Variants in CTNND2 observed in about 807,000 individuals in gnomAD.
CTNND2 encodes the protein catenin delta 2.
Under a neutral mutation model 144.4 loss-of-function variants are expected in CTNND2, and 22 were observed. That is an observed-to-expected ratio of 0.15 (90% confidence interval 0.11 to 0.22). The LOEUF (loss-of-function observed/expected upper bound fraction) is 0.22. CTNND2 is among the 10% of genes least tolerant of loss of function. The pLI, the probability that CTNND2 is intolerant of heterozygous loss-of-function variation, is 1.00. For synonymous variants in CTNND2, 751 were observed against 695.6 expected, an observed-to-expected ratio of 1.08 and a Z score of -1.25; for missense variants, 1,353 against 1,618.8, an observed-to-expected ratio of 0.84 and a Z score of 2.82.
At chr5:11,129,959 G>A (rs1481399573) in intron 12 of CTNND2, among the ~76,000 whole-genome samples, 1 of 152,144 alleles carries the variant, frequency 6.6e-6, no homozygotes, top group Non-Finnish European at 1.5e-5. Context: ...CTCTCCATAT[G>A]TGTTTTGAAA....
chr5:11,715,577 C>T (rs1351608613), intron 2 of CTNND2, among the ~76,000 whole-genome samples: 1 of 152,164 alleles, frequency 6.6e-6, no homozygotes, highest in Non-Finnish European at 1.5e-5. Flanking sequence ...GTAGATTTAC[C>T]CTTCCTACTC....
At chr5:11,103,070 C>A (rs186848592) in intron 14 of CTNND2, among the ~76,000 whole-genome samples, 1 of 146,888 alleles carries the variant, frequency 6.8e-6, no homozygotes, top group African/African-American at 2.5e-5. Context: ...CAACCTCTGC[C>A]TCCTGGGTTG....
At chr5:11,037,624 C>T (rs1415611289) in intron 16 of CTNND2, among the ~76,000 whole-genome samples, 2 of 152,154 alleles carry the variant, frequency 1.3e-5, no homozygotes, top group African/African-American at 4.8e-5. Context: ...ATACAAATTT[C>T]GCTGTGATTA....
intron 16 of CTNND2, among the ~76,000 whole-genome samples, chr5:11,029,955 T>A (rs1423658790): frequency 4.6e-5 from 7 of 152,316 alleles, no homozygotes; most frequent in Middle Eastern, 3.4e-3. Context: ...CTAGTGGTAG[T>A]GAACTCTCTT....
rs1778987447 is a variant in CTNND2 at position 11,588,022 on chromosome 5, GAAAC to G, written c.175-22970_175-22967del. The stretch of plus-strand genomic sequence containing the variant: ...GAGTTATTTGAATAAAAGCAATCTT[GAAAC>G]ACTTGGTAAAGGTTTTCTATAATTA... On this transcript the variant is annotated intron_variant, in intron 2 of 21. Transcript: ENST00000304623. Among the ~76,000 whole-genome samples, 3 of 151,922 alleles carry G rather than the reference GAAAC, an allele frequency of 2.0e-5. No homozygotes were observed. The South Asian group carries it at 6.2e-4, about 31-fold the overall frequency.
intron 12 of CTNND2, 94 bp downstream of exon 12, chr5:11,159,482 G>T: frequency 2.9e-6 from 3 of 1,038,210 alleles, no homozygotes; most frequent in Non-Finnish European, 1.4e-6. Flanking sequence ...AGAATGGTCT[G>T]ATCCTCAGTA....
chr5:11,110,542 C>T (rs562369310), intron 14 of CTNND2, among the ~76,000 whole-genome samples: 34 of 152,296 alleles, frequency 2.2e-4, no homozygotes, highest in Admixed American at 1.8e-3. Flanking sequence ...AATCCAGCTC[C>T]GACAATGCCC....
intron 3 of CTNND2, among the ~76,000 whole-genome samples, chr5:11,482,557 G>A (rs1003754077): frequency 6.6e-6 from 1 of 152,104 alleles, no homozygotes; most frequent in Non-Finnish European, 1.5e-5. Context: ...GAAGCGGCCA[G>A]CAAGCAGACT....
chr5:11,877,642 C>T (rs1735663819), intron 1 of CTNND2, among the ~76,000 whole-genome samples: 1 of 151,964 alleles, frequency 6.6e-6, no homozygotes, highest in Non-Finnish European at 1.5e-5. Flanking sequence ...ATATTACTGC[C>T]TAATTCACAG....
chr5:11,376,150 C>T (rs1757910234), intron 7 of CTNND2, among the ~76,000 whole-genome samples: 1 of 152,078 alleles, frequency 6.6e-6, no homozygotes, highest in Non-Finnish European at 1.5e-5. Flanking sequence ...TTTCCAGCCT[C>T]CAGAACTAGG....
intron 2 of CTNND2, among the ~76,000 whole-genome samples, chr5:11,684,820 C>A (rs1581718140): frequency 2.0e-5 from 3 of 152,346 alleles, no homozygotes; most frequent in South Asian, 4.1e-4. Flanking sequence ...TGCAAATCAG[C>A]TCCTTCTTCA....
chr5:11,293,338 T>C (rs779569237), intron 9 of CTNND2, among the ~76,000 whole-genome samples: 12 of 152,200 alleles, frequency 7.9e-5, no homozygotes, highest in Admixed American at 1.3e-4. Flanking sequence ...GATATTCCCT[T>C]AAGGTGCTCT....
chr5:11,702,560 CTCTTATCTT>C (rs1785499023), intron 2 of CTNND2, among the ~76,000 whole-genome samples: 1 of 152,170 alleles, frequency 6.6e-6, no homozygotes, highest in South Asian at 2.1e-4. Context: ...ACTACTGTCC[CTCTTATCTT>C]TCTTCTTCTA....
At chr5:11,695,365 TTG>T (rs1305564445) in intron 2 of CTNND2, among the ~76,000 whole-genome samples, 2 of 152,180 alleles carry the variant, frequency 1.3e-5, no homozygotes, top group African/African-American at 4.8e-5. Context: ...GGGAAAATCT[TTG>T]TGTCTTGAGA....
intron 2 of CTNND2, among the ~76,000 whole-genome samples, chr5:11,710,641 C>T (rs1785972333): frequency 6.6e-6 from 1 of 151,782 alleles, no homozygotes; most frequent in African/African-American, 2.4e-5. Flanking sequence ...AGCAGAAATC[C>T]TTGAAGGCAG....
chr5:11,390,329 T>A (rs61749828), intron 6 of CTNND2, among the ~76,000 whole-genome samples: 10 of 152,204 alleles, frequency 6.6e-5, no homozygotes, highest in African/African-American at 2.4e-4. Context: ...GCTTCCAGAT[T>A]CTTTCACGCT....
intron 9 of CTNND2, among the ~76,000 whole-genome samples, chr5:11,302,470 C>A (rs907120266): frequency 6.6e-6 from 1 of 152,130 alleles, no homozygotes; most frequent in Admixed American, 6.6e-5. Context: ...GTGCTACTTC[C>A]TTACAAGGGG....
intron 3 of CTNND2, among the ~76,000 whole-genome samples, chr5:11,435,344 G>A (rs917355000): frequency 1.1e-4 from 17 of 151,580 alleles, no homozygotes; most frequent in East Asian, 1.9e-4. Flanking sequence ...GGGTTTCACC[G>A]TGTTAGCCAA....
At chr5:11,164,358 C>A (rs1406032655) in intron 11 of CTNND2, among the ~76,000 whole-genome samples, 6 of 152,160 alleles carry the variant, frequency 3.9e-5, no homozygotes, top group East Asian at 3.8e-4. Context: ...CAAAAATAAC[C>A]TGTTATGCTT....
Sources: gnomAD v4.1 joint callset for allele counts (sites outside exome capture counted in the v4.1 genomes callset) on GRCh38, gnomAD v4.1.1 for gene constraint, MANE v1.5 for transcripts, NCBI Gene and HGNC (gene_info 2026-07-23, HGNC 2026-07-21) for gene names.